RCC1: variants seen among roughly 807,000 people sequenced by gnomAD.
RCC1 encodes the protein regulator of chromosome condensation.
A neutral mutation model predicts 44.4 loss-of-function variants in RCC1; 11 were observed. The ratio of observed to expected loss-of-function variants is 0.25; its 90% CI spans 0.16 to 0.41. The LOEUF (loss-of-function observed/expected upper bound fraction) is 0.41. Ranked by LOEUF, RCC1 falls within the 10% of genes least tolerant of loss-of-function variation. RCC1 has a pLI of 1.00. For missense variants in RCC1, 386 were observed against 547.1 expected (o/e 0.71, Z 2.94); for synonymous variants, 213 against 216.5 (o/e 0.98, Z 0.14).
chr1:28,524,379 A>C (rs1004121466), intron 4 of RCC1, among the ~76,000 whole-genome samples: 9 of 152,190 alleles, frequency 5.9e-5, no homozygotes, highest in Non-Finnish European at 1.0e-4. Flanking sequence ...GCCTGCCAAG[A>C]ATCCTCTGGA....
At chr1:28,528,938 C>G (rs1663898124) in intron 4 of RCC1, among the ~76,000 whole-genome samples, 1 of 149,020 alleles carries the variant, frequency 6.7e-6, no homozygotes, top group African/African-American at 2.5e-5. Flanking sequence ...TCTTGGCTCA[C>G]CGCAACCTCC....
chr1:28,511,827 AT>A (rs1227430423), intron 3 of RCC1, among the ~76,000 whole-genome samples: 1 of 148,988 alleles, frequency 6.7e-6, no homozygotes, highest in East Asian at 2.0e-4. Context: ...TGCCCGGCTA[AT>A]TTTTTTTGCA....
chr1:28,532,301 C>G lies in RCC1; in HGVS notation c.392C>G (p.Thr131Arg). 6.2e-7 allele frequency: 1 copy of G among 1,614,148 alleles called. No individual in the cohort carries two copies. ...CAGGTGTCAGCAGGAGACAGTCACACAGCAGCCCTCACCGATGATGGCCGT... is the reference window on the plus strand; with the variant it reads ...CAGGTGTCAGCAGGAGACAGTCACAGAGCAGCCCTCACCGATGATGGCCGT... The part of the protein sequence containing the change: ...VVQVSAGDSH[T>R]AALTDDGRVF... The change falls in exon 7 of 13, where the codon ACA becomes AGA. Residue 131 changes from threonine to arginine, a missense_variant. Transcript: ENST00000683442.
At chr1:28,526,145 C>T (rs1347352789) in intron 4 of RCC1, among the ~76,000 whole-genome samples, 1 of 152,078 alleles carries the variant, frequency 6.6e-6, no homozygotes, top group African/African-American at 2.4e-5. Context: ...ATTAGCTGGA[C>T]ACTGTGATGC....
intron 3 of RCC1, among the ~76,000 whole-genome samples, chr1:28,515,884 T>C (rs1458267381): frequency 2.6e-5 from 4 of 151,634 alleles, no homozygotes; most frequent in Non-Finnish European, 4.4e-5. Context: ...CGGTCTCTAC[T>C]AAAAATACAC....
chr1:28,527,238 ATG>A, intron 4 of RCC1: 2 of 750,822 alleles, frequency 2.7e-6, no homozygotes, highest in East Asian at 5.4e-5. Flanking sequence ...TCTTCAGTGC[ATG>A]TGTGTTTTTG....
intron 3 of RCC1, among the ~76,000 whole-genome samples, chr1:28,514,217 G>T (rs549028439): frequency 6.6e-6 from 1 of 151,760 alleles, no homozygotes; most frequent in Non-Finnish European, 1.5e-5. Flanking sequence ...TTGGGAGGCC[G>T]AGGCGGGCGG....
rs149449649 is a variant in RCC1 at position 28,536,264 on chromosome 1, A to T, written c.820A>T (p.Thr274Ser). Residue 274 changes from threonine (T) to serine (S), a missense_variant and splice_region_variant, in exon 11 of 13, where the codon ACT becomes TCT. By Grantham distance (58) the Thr-to-Ser change is moderately conservative. Transcript: ENST00000683442. This position sits in a 1 kb window ranked among gnomAD's most constrained non-coding sequence, Gnocchi z 4.9. ...FGLSNYHQLGTPGTESCFIPQ... is the reference protein window; with the variant it reads ...FGLSNYHQLGSPGTESCFIPQ... The stretch of plus-strand genomic sequence containing the variant: ...GATGGCTCCGGCCTTTCCCCCAGGA[A>T]CTCCGGGCACAGAATCTTGCTTCAT... 5 of 1,613,838 alleles carry T rather than the reference A, an allele frequency of 3.1e-6. No homozygotes were observed. The highest frequency in any genetic ancestry group is 4.2e-6 in the Non-Finnish European group (5 of 1,179,884).
chr1:28,529,330 C>T (rs1379703794), intron 4 of RCC1, among the ~76,000 whole-genome samples: 1 of 151,442 alleles, frequency 6.6e-6, no homozygotes, highest in African/African-American at 2.4e-5. Flanking sequence ...ATTACAGGTG[C>T]CCATCACTGT....
intron 3 of RCC1, among the ~76,000 whole-genome samples, chr1:28,512,733 ATTC>A (rs1662639264): frequency 1.3e-5 from 2 of 152,068 alleles, no homozygotes; most frequent in South Asian, 4.2e-4. Flanking sequence ...TTCCTTTTCT[ATTC>A]TTTGATCTAT....
At chr1:28,513,824 A>G (rs552372176) in intron 3 of RCC1, among the ~76,000 whole-genome samples, 32 of 151,362 alleles carry the variant, frequency 2.1e-4, no homozygotes, top group Non-Finnish European at 3.8e-4. Context: ...GGCTCAAGCA[A>G]TCCTCCCACC....
At chr1:28,518,644 G>C (rs1212817704) in intron 4 of RCC1, 1 of 151,258 alleles carries the variant, frequency 6.6e-6, no homozygotes, top group Non-Finnish European at 1.5e-5. Flanking sequence ...GGGTGCGCGC[G>C]GCCGCCCGGG....
chr1:28,521,003 T>C (rs574091154), intron 4 of RCC1, among the ~76,000 whole-genome samples: 1 of 151,738 alleles, frequency 6.6e-6, no homozygotes, highest in South Asian at 2.1e-4. Flanking sequence ...CGCTTGAACC[T>C]GGGAGGCGGA....
At position 28,536,921 on chromosome 1, in the gene RCC1, C is replaced by T. The variant is rs1048620445; in HGVS notation, c.1090+22C>T. On this transcript the variant is annotated intron_variant, in intron 12 of 12. Transcript: ENST00000683442. This position sits in a 1 kb window ranked among gnomAD's most constrained non-coding sequence, Gnocchi z 4.9. The stretch of plus-strand genomic sequence containing the variant: ...GATGGTGAGTGGGGCTGCCTACACT[C>T]TGTCTAGTTGGGACCTGGGGGTCAT... 3.7e-6 allele frequency: 6 copies of T among 1,613,498 alleles called. No homozygotes were observed. The highest frequency in any genetic ancestry group is 5.1e-6 in the Non-Finnish European group (6 of 1,179,734).
chr1:28,517,597 C>G (rs1662972142), intron 4 of RCC1, among the ~76,000 whole-genome samples: 1 of 152,126 alleles, frequency 6.6e-6, no homozygotes, highest in Non-Finnish European at 1.5e-5. Context: ...GGAAAAAAAT[C>G]TGATCATGCC....
chr1:28,526,910 A>G (rs547452430), intron 4 of RCC1: 117 of 776,976 alleles, frequency 1.5e-4, no homozygotes, highest in African/African-American at 1.2e-3. Flanking sequence ...AAAAAAAAAA[A>G]AAAGAAAGAA....
intron 3 of RCC1, among the ~76,000 whole-genome samples, chr1:28,514,122 G>A (rs1423865300): frequency 1.3e-5 from 2 of 150,840 alleles, no homozygotes; most frequent in Non-Finnish European, 3.0e-5. Context: ...AGCTGAGATC[G>A]TGCCAGCCTA....
intron 3 of RCC1, among the ~76,000 whole-genome samples, chr1:28,513,553 A>G (rs939005208): frequency 7.3e-5 from 11 of 150,216 alleles, no homozygotes; most frequent in African/African-American, 2.5e-4. Context: ...ATGACAGTCT[A>G]TGTCTTTTAA....
chr1:28,508,086 T>G (rs998906607), intron 1 of RCC1, 42 bp from the exon 2 acceptor site: 1 of 426,524 alleles, frequency 2.3e-6, no homozygotes, highest in Non-Finnish European at 4.8e-6. Flanking sequence ...TGAAAAAGTT[T>G]AGGGTTTTGC....
Sources: gnomAD v4.1 joint callset for allele counts (sites outside exome capture counted in the v4.1 genomes callset) on GRCh38, gnomAD v4.1.1 for gene constraint, Gnocchi (gnomAD v3.1) non-coding constraint, MANE v1.5 for transcripts, NCBI Gene and HGNC (gene_info 2026-07-23, HGNC 2026-07-21) for gene names.